CHODL: variants seen among roughly 807,000 people sequenced by gnomAD.
The protein encoded by CHODL is transmembrane protein MT75.
Under a neutral mutation model 34.5 loss-of-function variants are expected in CHODL, and 29 were observed. The observed-to-expected ratio is 0.84, with a 90% confidence interval of 0.63 to 1.15. The LOEUF (loss-of-function observed/expected upper bound fraction) is 1.15, where lower values mean the gene tolerates loss of function less well. Among genes scored for constraint, CHODL ranks in the 50% most tolerant of loss-of-function variants. The probability of loss-of-function intolerance (pLI) is 0.00; values close to 1 mark genes in which losing one functional copy is unlikely to be tolerated. For missense variants in CHODL, 332 were observed against 332.5 expected, an observed-to-expected ratio of 1.00 and a Z score of 0.01; for synonymous variants, 125 against 116.1, an observed-to-expected ratio of 1.08 and a Z score of -0.49.
intron 2 of CHODL, among the ~76,000 whole-genome samples, chr21:18,053,539 T>C (rs150355807): frequency 4.1e-4 from 62 of 152,030 alleles, no homozygotes; most frequent in African/African-American, 1.3e-3. Flanking sequence ...ATTTTAGAAA[T>C]GGAACCTCCA....
chr21:17,962,386 C>A (rs556046272), intron 1 of CHODL, among the ~76,000 whole-genome samples: 4 of 152,064 alleles, frequency 2.6e-5, no homozygotes, highest in Non-Finnish European at 5.9e-5. Flanking sequence ...TTAATGTATA[C>A]ACAGTTTTGG....
intron 4 of CHODL, among the ~76,000 whole-genome samples, chr21:18,261,059 C>A (rs900259864): frequency 2.0e-5 from 3 of 152,098 alleles, no homozygotes; most frequent in Non-Finnish European, 4.4e-5. Context: ...TACCCTATTG[C>A]TCATGAGTTT....
chr21:17,996,666 T>C (rs2063852319), intron 1 of CHODL, among the ~76,000 whole-genome samples: 1 of 152,198 alleles, frequency 6.6e-6, no homozygotes, highest in Non-Finnish European at 1.5e-5. Context: ...GCCAAGGTAG[T>C]AGAGGGGCTA....
Position 18,151,097 on chromosome 21 carries a change from A to G in CHODL, c.-44-105412A>G, listed in dbSNP as rs112934261. On this transcript the variant is annotated intron_variant, in intron 2 of 6. Coordinates refer to the CHODL transcript ENST00000400127. ...GACTCTGTGTCAAAAAAAAAAAAAA[A>G]AAAAAAAAGAAAGAAATTCTCTGAC... is the stretch of plus-strand genomic sequence containing the variant. Among the ~76,000 whole-genome samples the G allele has an allele frequency of 3.4e-3, 512 of 149,920 alleles. 4 individuals carry two copies. The highest frequency in any genetic ancestry group is 0.011 in the African/African-American group (454 of 40,480).
chr21:17,973,083 A>G (rs1374936520), intron 1 of CHODL, among the ~76,000 whole-genome samples: 2 of 152,218 alleles, frequency 1.3e-5, no homozygotes, highest in Non-Finnish European at 2.9e-5. Context: ...AAAACTGGCT[A>G]GCCATATGTA....
At chr21:18,154,049 C>T (rs919436001) in intron 2 of CHODL, among the ~76,000 whole-genome samples, 7 of 152,050 alleles carry the variant, frequency 4.6e-5, no homozygotes, top group Non-Finnish European at 7.4e-5. Context: ...TGTCTCAGAC[C>T]ACAAGATAGT....
intron 1 of CHODL, among the ~76,000 whole-genome samples, chr21:17,942,425 T>C (rs563219672): frequency 1.1e-4 from 17 of 152,302 alleles, no homozygotes; most frequent in Middle Eastern, 3.4e-3. Flanking sequence ...GCTCTCTTGT[T>C]TGCTGCCATG....
chr21:18,060,145 C>T (rs1023795741), intron 2 of CHODL, among the ~76,000 whole-genome samples: 9 of 152,132 alleles, frequency 5.9e-5, no homozygotes, highest in African/African-American at 1.7e-4. Context: ...CTCCTGAAGC[C>T]ACGGGGACAC....
intron 1 of CHODL, among the ~76,000 whole-genome samples, chr21:17,976,611 C>T (rs2063665207): frequency 2.0e-5 from 3 of 152,166 alleles, no homozygotes; most frequent in South Asian, 4.1e-4. Context: ...ATAAAATTGT[C>T]AGCGTACACT....
At chr21:18,004,797 A>G (rs76238349) in intron 1 of CHODL, among the ~76,000 whole-genome samples, 1,950 of 152,046 alleles carry the variant, frequency 0.013, 17 homozygotes, top group Non-Finnish European at 0.022. Flanking sequence ...CTTCCTTGCA[A>G]CATTGTTGCA....
Position 18,264,375 on chromosome 21 carries a change from G to T in CHODL, c.737+1482G>T, listed in dbSNP as rs552050377. On this transcript the variant is annotated intron_variant, in intron 5 of 5. Coordinates refer to ENST00000299295, the MANE Select transcript of CHODL (RefSeq NM_024944.3). ...GGGCATCCAGTAGAGAATGACTTGG[G>T]TGGATCATCTGAGGTCGGGAGTTTG... Among the ~76,000 whole-genome samples, 6 of 152,134 alleles carry T rather than the reference G, an allele frequency of 3.9e-5. No homozygotes were observed. In the East Asian group the frequency reaches 9.7e-4, roughly 25 times the overall value.
intron 2 of CHODL, among the ~76,000 whole-genome samples, chr21:18,116,358 C>T (rs2065413152): frequency 6.6e-6 from 1 of 152,106 alleles, no homozygotes; most frequent in Non-Finnish European, 1.5e-5. Context: ...CAATACCTAA[C>T]AGTAACCTAA....
upstream of CHODL, among the ~76,000 whole-genome samples, chr21:18,244,023 C>A (rs989840486): frequency 6.6e-6 from 1 of 152,214 alleles, no homozygotes; most frequent in Non-Finnish European, 1.5e-5. Context: ...AAGAACTTCT[C>A]TCCAGTATTC....
intron 1 of CHODL, among the ~76,000 whole-genome samples, chr21:17,925,940 T>A (rs2063218789): frequency 6.6e-6 from 1 of 152,226 alleles, no homozygotes; most frequent in Non-Finnish European, 1.5e-5. Context: ...GAGGATATAA[T>A]TTGAGATGTT....
At chr21:18,015,014 T>C (rs545558494) in intron 1 of CHODL, among the ~76,000 whole-genome samples, 108 of 152,242 alleles carry the variant, frequency 7.1e-4, no homozygotes, top group African/African-American at 2.6e-3. Flanking sequence ...AAGACAGGCA[T>C]ATGAGGAGAA....
chr21:18,192,138 G>T (rs1166403850), intron 2 of CHODL, among the ~76,000 whole-genome samples: 1 of 152,100 alleles, frequency 6.6e-6, no homozygotes, highest in Non-Finnish European at 1.5e-5. Flanking sequence ...CAAGCTTATG[G>T]CAAGGGAGGA....
intron 2 of CHODL, among the ~76,000 whole-genome samples, chr21:18,218,795 C>T (rs57214745): frequency 0.044 from 6,714 of 152,278 alleles, 180 homozygotes; most frequent in Non-Finnish European, 0.06. Context: ...CCACCAGTCT[C>T]TTTGCATAGC....
intron 1 of CHODL, among the ~76,000 whole-genome samples, chr21:18,019,456 A>G (rs2064107158): frequency 1.3e-5 from 2 of 152,170 alleles, no homozygotes; most frequent in Admixed American, 1.3e-4. Context: ...ACATTTTAAA[A>G]TAATTAAGAG....
intron 2 of CHODL, among the ~76,000 whole-genome samples, chr21:18,161,109 C>A (rs1270367054): frequency 8.6e-5 from 13 of 151,322 alleles, no homozygotes; most frequent in Non-Finnish European, 3.0e-5. Flanking sequence ...TGCTTGTTGG[C>A]TGCATGTATG....
Sources: allele counts gnomAD v4.1 joint callset (sites outside exome capture counted in the v4.1 genomes callset), GRCh38; gene constraint gnomAD v4.1.1; transcripts MANE v1.5; gene names NCBI Gene and HGNC (gene_info 2026-07-23, HGNC 2026-07-21).